Variants in ZNF205 observed in about 807,000 individuals in gnomAD.
ZNF205 encodes zinc finger protein 205.
A neutral mutation model predicts 53.6 loss-of-function variants in ZNF205; 32 were observed. The observed-to-expected ratio is 0.60, with a 90% CI of 0.45 to 0.80. The LOEUF (loss-of-function observed/expected upper bound fraction) is 0.80, where lower values mean the gene tolerates loss of function less well. Ranked by LOEUF, ZNF205 falls within the 30% of genes least tolerant of loss-of-function variation. The pLI is 0.00. For missense variants in ZNF205, 836 were observed against 782.4 expected, an observed-to-expected ratio of 1.07 and a Z score of -0.82; for synonymous variants, 382 against 334.3, an observed-to-expected ratio of 1.14 and a Z score of -1.56.
intron 5 of ZNF205, 34 bp from the exon 6 acceptor site, chr16:3,118,871 G>A: frequency 6.2e-7 from 1 of 1,603,064 alleles, no homozygotes; most frequent in Non-Finnish European, 8.5e-7. Flanking sequence ...AGCGCCAGAA[G>A]GCCTGTGACA....
chr16:3,116,508 T>C lies in ZNF205; in HGVS notation c.445T>C (p.Tyr149His). Residue 149 changes from tyrosine to histidine, a missense_variant, in exon 5 of 7, where the codon TAC becomes CAC. Transcript: ENST00000219091. ...GRLDHTQQNF[Y>H]RDVLQKKNGL... ...GCTGGACCACACGCAGCAGAACTTC[T>C]ACAGGGATGTCCTGCAGAAGAAAAA... 1 of 1,614,090 alleles carries C rather than the reference T, an allele frequency of 6.2e-7. No homozygotes were observed. Among genetic ancestry groups the C allele is most frequent in the Non-Finnish European group, 8.5e-7 (1 of 1,179,998 alleles).
chr16:3,119,258 G>A lies in ZNF205; in HGVS notation c.598G>A (p.Ala200Thr), dbSNP rs1957386215. 1 of 1,570,870 alleles carries A rather than the reference G, an allele frequency of 6.4e-7. No homozygotes were observed. Among genetic ancestry groups the A allele is most frequent in the South Asian group, 1.2e-5 (1 of 86,668 alleles). Reference protein sequence around the residue: ...EKEWRGACTGAVEVGQRVQTS... With the variant: ...EKEWRGACTGTVEVGQRVQTS... ...TGGAAACGACTTTCTTTTTCCAGGA[G>A]CCGTCGAGGTGGGGCAGAGGGTGCA... is the stretch of plus-strand genomic sequence containing the variant. Residue 200 changes from alanine (A) to threonine (T), a missense_variant and splice_region_variant, in exon 7 of 7, where the codon GCC becomes ACC. Ala to Thr is a moderately conservative substitution (Grantham distance 58). Transcript: ENST00000219091.
At chr16:3,118,752 C>A (rs1211739987) in intron 5 of ZNF205, among the ~76,000 whole-genome samples, 153 bp from the exon 6 acceptor site, 1 of 152,138 alleles carries the variant, frequency 6.6e-6, no homozygotes, top group Non-Finnish European at 1.5e-5. Flanking sequence ...GGGGCGGACC[C>A]CCGACCCAGG....
In ZNF205 at chr16:3,115,254, G is replaced by A. The variant is rs183092704; in HGVS notation, c.58-101G>A. 8.9e-4 allele frequency: 815 copies of A among 913,678 alleles called. 5 individuals are homozygous for A. In the Admixed American group the frequency reaches 0.017, roughly 20 times the overall value. 56.6% of individuals were successfully genotyped at this position (913,678 alleles called of 1,614,324 possible). On this transcript the variant is annotated intron_variant, in intron 2 of 6. Transcript: ENST00000219091. ...TGCAGCAAGGACAGTCCTTCAAGCT[G>A]CGTCTTGCATGTTGGTTTCCGACGC... is the stretch of plus-strand genomic sequence containing the variant.
At chr16:3,113,016 C>T (rs764790697) in intron 1 of ZNF205, 206 of 219,458 alleles carry the variant, frequency 9.4e-4, no homozygotes, top group Admixed American at 1.3e-3. Context: ...CTGGCCTTGA[C>T]GGGCGGGGCC....
Position 3,119,646 on chromosome 16 carries a change from C to T in ZNF205, c.986C>T (p.Thr329Met). The T allele has an allele frequency of 1.2e-6, 2 of 1,612,492 alleles. No homozygotes were observed. The highest frequency in any genetic ancestry group is 1.3e-5 in the African/African-American group (1 of 75,020). ...TCGCACCTGGTGACGCACCGGCGCA[C>T]GCACACGGGCGAGAAGCCCTACGCC... ...WHSHLVTHRR[T>M]HTGEKPYACT... is the part of the protein sequence containing the mutation. Residue 329 changes from threonine (T) to methionine (M), a missense_variant, in exon 7 of 7, where the codon ACG (threonine) becomes ATG (methionine). Thr to Met is a moderately conservative substitution (Grantham distance 81). Coordinates refer to ENST00000219091, the MANE Select transcript of ZNF205 (RefSeq NM_001042428.2).
rs370272727 is a variant in ZNF205, at chr16:3,115,377, A to C, written c.80A>C (p.His27Pro). 1 of 1,603,542 alleles carries C rather than the reference A, an allele frequency of 6.2e-7. No individual in the cohort carries two copies. ...TAGGTTCCAGATCGTGGACATCCTC[A>C]TCAGGAAATGCCTTCTAAGCTGGGG... ...PPEVPDRGHP[H>P]QEMPSKLGEA... Residue 27 changes from histidine (H) to proline (P), a missense_variant, in exon 3 of 7, where the codon CAT (histidine) becomes CCT (proline). Transcript: ENST00000219091.
chr16:3,113,188 A>C (rs181627587), intron 1 of ZNF205, among the ~76,000 whole-genome samples: 3 of 152,202 alleles, frequency 2.0e-5, no homozygotes, highest in South Asian at 2.1e-4. Context: ...CATTCTTTCA[A>C]AAATAGGACC....
chr16:3,117,681 G>A (rs1476956400), intron 5 of ZNF205, among the ~76,000 whole-genome samples: 1 of 151,554 alleles, frequency 6.6e-6, no homozygotes, highest in Admixed American at 6.6e-5. Context: ...TTGAGCTCCT[G>A]GGCTCAAGTC....
In ZNF205 at chr16:3,115,417, AG is replaced by A. The variant is rs1957328478; in HGVS notation, c.124del (p.Asp42ThrfsTer35). The A allele has an allele frequency of 6.2e-7, 1 of 1,611,734 alleles. No homozygotes were observed. The highest frequency in any genetic ancestry group is 8.5e-7 in the Non-Finnish European group (1 of 1,178,866). On this transcript the variant is annotated frameshift_variant, in exon 3 of 7. Coordinates refer to ENST00000219091, the MANE Select transcript of ZNF205 (RefSeq NM_001042428.2). LOFTEE classifies it high-confidence loss of function. ...CTAAGCTGGGGGAGGCGGTACCTTC[AG>A]GGGACACTCAGGAGTCACTGCACAT... Reference protein sequence around the residue: ...PSKLGEAVPSGDTQESLHIKM... With the variant: ...PSKLGEAVPSXDTQESLHIKM...
chr16:3,116,330 T>G, intron 4 of ZNF205, 97 bp from the exon 5 acceptor site: 1 of 1,550,996 alleles, frequency 6.4e-7, no homozygotes. Context: ...ACACAGTGGG[T>G]TGGGAGTCCG....
In ZNF205 at chr16:3,113,491, C is replaced by G. The variant is rs749105061; in HGVS notation, c.57+4C>G. 1.9e-6 allele frequency: 3 copies of G among 1,612,906 alleles called. No homozygotes were observed. The highest frequency in any genetic ancestry group is 2.7e-5 in the African/African-American group (2 of 74,826). ...GGACAAGGAGACACCCCCGGAGGTA[C>G]AGATGGGGCTGGCTGAGGGAGGTGT... On this transcript the variant is annotated splice_donor_region_variant and intron_variant, in intron 2 of 6. Transcript: ENST00000219091.
Position 3,119,754 on chromosome 16 carries a change from C to T in ZNF205, c.1094C>T (p.Thr365Ile), listed in dbSNP as rs1732070086. 6.2e-7 allele frequency: 1 copy of T among 1,612,740 alleles called. No individual in the cohort carries two copies. Among genetic ancestry groups the T allele is most frequent in the South Asian group, 1.1e-5 (1 of 91,024 alleles). ...QIIHTGEKPY[T>I]CPACRKSFSH... Reference sequence around the variant, plus strand: ...ATCCACACGGGCGAGAAGCCCTACACCTGCCCCGCCTGCCGGAAGAGCTTC... The same window carrying T: ...ATCCACACGGGCGAGAAGCCCTACATCTGCCCCGCCTGCCGGAAGAGCTTC... Residue 365 changes from threonine (T) to isoleucine (I), a missense_variant, in exon 7 of 7, where the codon ACC (threonine) becomes ATC (isoleucine). By Grantham distance (89) the Thr-to-Ile change is moderately conservative. Coordinates refer to ENST00000219091, the MANE Select transcript of ZNF205 (RefSeq NM_001042428.2).
At chr16:3,115,722 C>T in intron 3 of ZNF205, 107 bp from the exon 4 acceptor site, 1 of 1,403,002 alleles carries the variant, frequency 7.1e-7, no homozygotes, top group Non-Finnish European at 9.7e-7. Flanking sequence ...TCAGAGCCAT[C>T]CGACCCTGTC....
chr16:3,119,269 G>T lies in ZNF205; in HGVS notation c.609G>T (p.Val203=), dbSNP rs1444647448. Residue 203 remains valine, a synonymous_variant, in exon 7 of 7, where the codon GTG becomes GTT. Transcript: ENST00000219091. ...WRGACTGAVE[V]GQRVQTSSVA... Reference sequence around the variant, plus strand: ...TTCTTTTTCCAGGAGCCGTCGAGGTGGGGCAGAGGGTGCAGACCTCATCCG... The same window carrying T: ...TTCTTTTTCCAGGAGCCGTCGAGGTTGGGCAGAGGGTGCAGACCTCATCCG... 3 of 1,580,230 alleles carry T rather than the reference G, an allele frequency of 1.9e-6. No individual in the cohort carries two copies. Among genetic ancestry groups the T allele is most frequent in the Admixed American group, 1.8e-5 (1 of 54,126 alleles).
At position 3,119,421 on chromosome 16, in the gene ZNF205, C is replaced by T. The variant is rs759306765; in HGVS notation, c.761C>T (p.Pro254Leu). The part of the protein sequence containing the change: ...SSGPAKDSGQ[P>L]AEPDRTPDAA... ...GGGCCGGCCAAAGACTCCGGGCAGCCGGCTGAGCCAGATCGCACCCCGGAT... is the reference window on the plus strand; with the variant it reads ...GGGCCGGCCAAAGACTCCGGGCAGCTGGCTGAGCCAGATCGCACCCCGGAT... Residue 254 changes from proline (P) to leucine (L), a missense_variant, in exon 7 of 7, where the codon CCG becomes CTG. Transcript: ENST00000219091. The T allele has an allele frequency of 3.1e-6, 5 of 1,604,108 alleles. No individual in the cohort carries two copies. The highest frequency in any genetic ancestry group is 2.7e-5 in the African/African-American group (2 of 74,670).
In ZNF205 at chr16:3,115,285, G is replaced by A. The variant is rs925526280; in HGVS notation, c.58-70G>A. 9.6e-6 allele frequency: 12 copies of A among 1,254,596 alleles called. No individual in the cohort carries two copies. In the East Asian group the frequency reaches 1.4e-4, roughly 15 times the overall value. 77.7% of individuals were successfully genotyped at this position (1,254,596 alleles called of 1,614,324 possible). ...TGCATGTTGGTTTCCGACGCTGCCG[G>A]AGCGCACTGCCATGTGGCCCTGGGT... On this transcript the variant is annotated intron_variant, in intron 2 of 6. Transcript: ENST00000219091.
At position 3,120,106 on chromosome 16, in the gene ZNF205, C is replaced by G; in HGVS notation, c.1446C>G (p.Gly482=). ...AGCCCTACCACTGCCTCGACTGCGGCAAGAGCTTCAGCCACAGCTCGCACC... is the reference window on the plus strand; with the variant it reads ...AGCCCTACCACTGCCTCGACTGCGGGAAGAGCTTCAGCCACAGCTCGCACC... The part of the protein sequence containing the change: ...GEKPYHCLDC[G]KSFSHSSHLT... Residue 482 remains glycine, a synonymous_variant, in exon 7 of 7, where the codon GGC becomes GGG. Transcript: ENST00000219091. The G allele has an allele frequency of 1.9e-6, 3 of 1,613,608 alleles. No homozygotes were observed. The highest frequency in any genetic ancestry group is 1.7e-6 in the Non-Finnish European group (2 of 1,179,804).
At chr16:3,119,211 CT>C (rs1957385499) in intron 6 of ZNF205, 44 bp from the exon 7 acceptor site, 1 of 1,541,048 alleles carries the variant, frequency 6.5e-7, no homozygotes. Flanking sequence ...TCCTGGGGTC[CT>C]TAGGGAAGCT....
Sources: allele counts gnomAD v4.1 joint callset (sites outside exome capture counted in the v4.1 genomes callset), GRCh38; gene constraint gnomAD v4.1.1; transcripts MANE v1.5; gene names NCBI Gene and HGNC (gene_info 2026-07-23, HGNC 2026-07-21).